VAPA: variants seen among roughly 807,000 people sequenced by gnomAD.
VAPA encodes vesicle-associated membrane protein-associated protein A.
In VAPA, 6 loss-of-function variants were observed where a neutral mutation model predicts 25.6. The ratio of observed to expected loss-of-function variants is 0.23; its 90% confidence interval spans 0.13 to 0.46. VAPA has a LOEUF of 0.46. VAPA is among the 20% of genes least tolerant of loss of function. The pLI is 0.99. For missense variants in VAPA, 244 were observed against 302.1 expected, an observed-to-expected ratio of 0.81 and a Z score of 1.43; for synonymous variants, 112 against 106.2, an observed-to-expected ratio of 1.05 and a Z score of -0.34.
At chr18:9,935,061 C>T (rs972939259) in intron 2 of VAPA, among the ~76,000 whole-genome samples, 1 of 146,586 alleles carries the variant, frequency 6.8e-6, no homozygotes, top group Non-Finnish European at 1.5e-5. Flanking sequence ...TACCGCTGCA[C>T]TCCAGCCTGG....
chr18:9,932,492 A>G (rs1425646411), intron 2 of VAPA, among the ~76,000 whole-genome samples: 2 of 152,230 alleles, frequency 1.3e-5, no homozygotes, highest in Non-Finnish European at 2.9e-5. Context: ...TTGTCAAAGA[A>G]GTATGCTTGC....
chr18:9,945,051 A>G, intron 4 of VAPA: 1 of 1,614,024 alleles, frequency 6.2e-7, no homozygotes, highest in South Asian at 1.1e-5. Context: ...AAACAGGAGA[A>G]ACAGAAGGTT....
At chr18:9,918,318 G>C (rs1277814872) in intron 1 of VAPA, among the ~76,000 whole-genome samples, 1 of 152,116 alleles carries the variant, frequency 6.6e-6, no homozygotes, top group East Asian at 1.9e-4. Flanking sequence ...TCTAGTATGT[G>C]TCTCTCCCTG....
intron 2 of VAPA, among the ~76,000 whole-genome samples, chr18:9,934,912 G>A (rs1268920905): frequency 1.3e-5 from 2 of 151,836 alleles, no homozygotes; most frequent in Non-Finnish European, 2.9e-5. Flanking sequence ...GGATAACACG[G>A]TGAAACCCCG....
Position 9,959,690 on chromosome 18 carries a change from T to TGA in VAPA, c.*5489_*5490dup, listed in dbSNP as rs200229431. On this transcript the variant is annotated 3_prime_UTR_variant, in exon 6 of 6. Transcript: ENST00000400000. ...GGAAAAATAATACAATGTGTGTGTG[T>TGA]GAGAGAGAGAGTGAGTTACTGACAT... 7.0e-3 allele frequency: 921 copies of TGA among 130,870 alleles called. 18 individuals carry two copies. The highest frequency in any genetic ancestry group is 0.027 in the African/African-American group (879 of 33,078). 8.1% of individuals were successfully genotyped at this position (130,870 alleles called of 1,614,324 possible). A position where few individuals can be genotyped will look rare whatever the true frequency, so the allele number is the denominator to read the frequency against.
chr18:9,923,476 A>C (rs1022761919), intron 1 of VAPA, among the ~76,000 whole-genome samples: 1 of 152,188 alleles, frequency 6.6e-6, no homozygotes, highest in Non-Finnish European at 1.5e-5. Context: ...TCATGGGCCT[A>C]TGTTTTGACA....
Position 9,937,080 on chromosome 18 carries a change from T to C in VAPA, c.417+14T>C. On this transcript the variant is annotated intron_variant, in intron 4 of 5. Transcript: ENST00000400000. ...AATGATAAATTGGTAAGTAGGAGAATGTAAAAAAAATTGGGAGCTGTTGAG... is the reference window on the plus strand; with the variant it reads ...AATGATAAATTGGTAAGTAGGAGAACGTAAAAAAAATTGGGAGCTGTTGAG... 2 of 1,609,974 alleles carry C rather than the reference T, an allele frequency of 1.2e-6. No individual in the cohort carries two copies. Among genetic ancestry groups the C allele is most frequent in the South Asian group, 1.1e-5 (1 of 90,590 alleles).
intron 5 of VAPA, among the ~76,000 whole-genome samples, chr18:9,951,725 A>G (rs1186746052): frequency 6.6e-6 from 1 of 152,242 alleles, no homozygotes; most frequent in African/African-American, 2.4e-5. Context: ...AAAATAAGCT[A>G]AATGATGGGA....
intron 1 of VAPA, 163 bp downstream of exon 1, chr18:9,914,498 G>A (rs1039294430): frequency 9.8e-6 from 5 of 509,096 alleles, no homozygotes; most frequent in Non-Finnish European, 1.6e-5. Context: ...CCGCCACCTC[G>A]GCCGGCCTGC....
chr18:9,922,864 G>A (rs1253471411), intron 1 of VAPA, among the ~76,000 whole-genome samples: 5 of 152,098 alleles, frequency 3.3e-5, no homozygotes, highest in African/African-American at 9.7e-5. Context: ...GAACTCTTCA[G>A]TATGGGTTTT....
At chr18:9,944,819 T>TA in intron 4 of VAPA, 4 of 1,357,918 alleles carry the variant, frequency 2.9e-6, no homozygotes, top group Middle Eastern at 1.9e-4. Context: ...TATAAAGTGT[T>TA]AATGTTTAGA....
chr18:9,945,176 A>T, intron 4 of VAPA: 4 of 1,177,506 alleles, frequency 3.4e-6, no homozygotes, highest in Non-Finnish European at 4.8e-6. Context: ...ATAGAATTGA[A>T]CTATGCCTAA....
chr18:9,923,532 AGTGTATATGAATAT>A (rs1313187814), intron 1 of VAPA, among the ~76,000 whole-genome samples: 18 of 152,300 alleles, frequency 1.2e-4, no homozygotes, highest in African/African-American at 3.4e-4. Context: ...ATATGTGTGA[AGTGTATATGAATAT>A]GTATATAATT....
At chr18:9,923,627 A>AGT (rs57047217) in intron 1 of VAPA, among the ~76,000 whole-genome samples, 151,326 of 152,228 alleles carry the variant, frequency 0.99, 75,219 homozygotes, top group East Asian at 1. Context: ...TAAATCATAC[A>AGT]GTGTTTCCTG....
chr18:9,914,554 G>C (rs1011222280), intron 1 of VAPA: 1 of 243,544 alleles, frequency 4.1e-6, no homozygotes, highest in African/African-American at 2.3e-5. Context: ...CCCTCGCTGC[G>C]GTGCGCGCGC....
At chr18:9,917,353 C>T (rs1013572713) in intron 1 of VAPA, among the ~76,000 whole-genome samples, 1 of 152,048 alleles carries the variant, frequency 6.6e-6, no homozygotes, top group African/African-American at 2.4e-5. Context: ...TGCAGTGGCT[C>T]GATCTCGGCT....
intron 4 of VAPA, chr18:9,944,821 A>T: frequency 1.5e-6 from 2 of 1,368,226 alleles, no homozygotes. Flanking sequence ...TAAAGTGTTA[A>T]TGTTTAGAGC....
chr18:9,925,073 A>G (rs1307117115), intron 1 of VAPA: 1 of 152,146 alleles, frequency 6.6e-6, no homozygotes, highest in Non-Finnish European at 1.5e-5. Flanking sequence ...ATGGTGTAAA[A>G]GAAGTAAAAG....
At chr18:9,926,271 G>C (rs2069199491) in intron 1 of VAPA, among the ~76,000 whole-genome samples, 3 of 152,030 alleles carry the variant, frequency 2.0e-5, no homozygotes, top group Non-Finnish European at 2.9e-5. Context: ...TGTGTAACTG[G>C]GAAACAGTTT....
Sources: gnomAD v4.1 joint callset for allele counts (sites outside exome capture counted in the v4.1 genomes callset) on GRCh38, gnomAD v4.1.1 for gene constraint, MANE v1.5 for transcripts, NCBI Gene and HGNC (gene_info 2026-07-23, HGNC 2026-07-21) for gene names.